USP34: variants seen among roughly 807,000 people sequenced by gnomAD.
The protein encoded by USP34 is ubiquitin specific peptidase 34, also known as ubiquitin carboxyl-terminal hydrolase 34.
USP34 carries 70 observed loss-of-function variants against 460.3 expected under a neutral mutation model. The ratio of observed to expected loss-of-function variants is 0.15; its 90% CI spans 0.13 to 0.19. The LOEUF is 0.19. Among genes scored for constraint, USP34 ranks in the 10% least tolerant of loss-of-function variants. USP34 has a pLI of 1.00. For synonymous variants in USP34, 1,647 were observed against 1,405.3 expected, an observed-to-expected ratio of 1.17 and a Z score of -3.85; for missense variants, 3,985 against 4,236.2, an observed-to-expected ratio of 0.94 and a Z score of 1.65.
At chr2:61,198,473 G>T (rs552081990) in intron 75 of USP34, among the ~76,000 whole-genome samples, 9 of 151,970 alleles carry the variant, frequency 5.9e-5, no homozygotes, top group African/African-American at 2.2e-4. Context: ...CTCCCAAATG[G>T]ACTCTTGACT....
chr2:61,295,975 T>TAAAAAC (rs1428040077), intron 30 of USP34, among the ~76,000 whole-genome samples: 28 of 152,186 alleles, frequency 1.8e-4, no homozygotes, highest in Admixed American at 1.8e-3. Context: ...AAACAATCTT[T>TAAAAAC]AAGCCAGGAG....
At chr2:61,393,404 CT>C (rs1323957594) in intron 5 of USP34, among the ~76,000 whole-genome samples, 1 of 147,164 alleles carries the variant, frequency 6.8e-6, no homozygotes, top group Non-Finnish European at 1.5e-5. Context: ...GCACTCCAGC[CT>C]GGGCAACAGA....
At chr2:61,449,018 G>T (rs760393641) in intron 1 of USP34, among the ~76,000 whole-genome samples, 1 of 152,120 alleles carries the variant, frequency 6.6e-6, no homozygotes, top group Non-Finnish European at 1.5e-5. Context: ...GCAAGGTGTG[G>T]TGGCGCATGC....
intron 34 of USP34, among the ~76,000 whole-genome samples, chr2:61,285,448 C>A (rs569181000): frequency 7.0e-6 from 1 of 143,334 alleles, no homozygotes; most frequent in East Asian, 2.0e-4. Context: ...GATTGTGCCA[C>A]TGCACTCCAG....
At chr2:61,347,737 T>C in intron 15 of USP34, 133 bp downstream of exon 15, 1 of 1,450,682 alleles carries the variant, frequency 6.9e-7, no homozygotes, top group Non-Finnish European at 9.1e-7. Context: ...TATCTATTTG[T>C]AGCTTACATT....
chr2:61,419,391 A>G (rs1484930286), intron 2 of USP34, among the ~76,000 whole-genome samples: 1 of 151,334 alleles, frequency 6.6e-6, no homozygotes, highest in Admixed American at 6.6e-5. Flanking sequence ...GGAGGCAAAC[A>G]CTTTGATATT....
intron 2 of USP34, among the ~76,000 whole-genome samples, chr2:61,412,226 G>A (rs1573015275): frequency 1.1e-4 from 15 of 134,832 alleles, no homozygotes; most frequent in Admixed American, 4.4e-4. Flanking sequence ...AGAAAAGAAA[G>A]AAACAGAAAG....
At chr2:61,330,128 CAG>C (rs1336325326) in intron 20 of USP34, among the ~76,000 whole-genome samples, 1 of 152,142 alleles carries the variant, frequency 6.6e-6, no homozygotes, top group Non-Finnish European at 1.5e-5. Flanking sequence ...AATTCTATAA[CAG>C]AAACAGACTG....
At chr2:61,247,081 C>T (rs1688435879) in intron 49 of USP34, among the ~76,000 whole-genome samples, 1 of 151,016 alleles carries the variant, frequency 6.6e-6, no homozygotes, top group Non-Finnish European at 1.5e-5. Context: ...TAGACAGAAA[C>T]AAAATAAAGA....
At chr2:61,336,507 A>G (rs1377405031) in intron 18 of USP34, among the ~76,000 whole-genome samples, 1 of 151,668 alleles carries the variant, frequency 6.6e-6, no homozygotes, top group Non-Finnish European at 1.5e-5. Context: ...ATAGGCACAA[A>G]GAGAAAAAAA....
At position 61,245,304 on chromosome 2, in the gene USP34, T is replaced by C. The variant is rs747949081; in HGVS notation, c.6549-16A>G. ...AAAAAGATACCTAAAATAGAGCATA[T>C]AGTATTAATCTAGTATGCATATAAT... On this transcript the variant is annotated splice_polypyrimidine_tract_variant and intron_variant, in intron 50 of 79. Coordinates refer to ENST00000398571, the MANE Select transcript of USP34 (RefSeq NM_014709.4). 8 of 1,545,464 alleles carry C rather than the reference T, an allele frequency of 5.2e-6. No individual in the cohort carries two copies. The highest frequency in any genetic ancestry group is 1.4e-5 in the African/African-American group (1 of 72,508).
At chr2:61,458,309 C>G (rs1165450810) in intron 1 of USP34, among the ~76,000 whole-genome samples, 2 of 151,966 alleles carry the variant, frequency 1.3e-5, no homozygotes, top group Admixed American at 6.6e-5. Flanking sequence ...ACCTGTAATC[C>G]CAGCACTTTG....
At chr2:61,386,424 A>G (rs1200672394) in intron 5 of USP34, among the ~76,000 whole-genome samples, 1 of 152,198 alleles carries the variant, frequency 6.6e-6, no homozygotes, top group African/African-American at 2.4e-5. Context: ...AGTTGAATAG[A>G]TCAAAATATG....
At chr2:61,327,898 A>C (rs1474795670) in intron 20 of USP34, among the ~76,000 whole-genome samples, 2 of 152,214 alleles carry the variant, frequency 1.3e-5, no homozygotes, top group East Asian at 3.8e-4. Flanking sequence ...AAAGATATGA[A>C]ACTTTAGTAA....
rs535308225 is a variant in USP34 at position 61,261,664 on chromosome 2, T to A, written c.5779-1888A>T. ...AAAATGATGAATTTAATGTTGCATA[T>A]ATTTTACCACAATTAGAATATATGT... On this transcript the variant is annotated intron_variant, in intron 43 of 79. Coordinates refer to ENST00000398571, the MANE Select transcript of USP34 (RefSeq NM_014709.4). Among the ~76,000 whole-genome samples the A allele has an allele frequency of 2.0e-5, 3 of 152,316 alleles. No homozygotes were observed. In the South Asian group the frequency reaches 6.2e-4, roughly 32 times the overall value.
At chr2:61,296,499 A>G (rs955600177) in intron 30 of USP34, among the ~76,000 whole-genome samples, 123 of 152,306 alleles carry the variant, frequency 8.1e-4, no homozygotes, top group African/African-American at 2.8e-3. Flanking sequence ...TTTTGTTACT[A>G]AGAACAAAAA....
In USP34 at chr2:61,414,426, T is replaced by C. The variant is rs555069973; in HGVS notation, c.131+6320A>G. ...GTATCCAATAAGATCTATCAATAAG[T>C]ATAAGGGTAGGATAGACATTTCAGG... On this transcript the variant is annotated intron_variant, in intron 2 of 79. Coordinates refer to ENST00000398571, the MANE Select transcript of USP34 (RefSeq NM_014709.4). Among the ~76,000 whole-genome samples the C allele has an allele frequency of 8.2e-4, 125 of 152,186 alleles. 1 individual carries two copies. The highest frequency in any genetic ancestry group is 6.2e-4 in the Non-Finnish European group (42 of 68,004).
At position 61,236,011 on chromosome 2, in the gene USP34, G is replaced by C. The variant is rs764067766; in HGVS notation, c.6966+15C>G. On this transcript the variant is annotated intron_variant, in intron 56 of 79. Transcript: ENST00000398571. ...AACATAAATGACAAAAAAATCCATAGTAGAAAACACATACCTTTTCTTTAG... is the reference window on the plus strand; with the variant it reads ...AACATAAATGACAAAAAAATCCATACTAGAAAACACATACCTTTTCTTTAG... 4 of 1,604,816 alleles carry C rather than the reference G, an allele frequency of 2.5e-6. No individual in the cohort carries two copies. The East Asian group carries it at 8.9e-5, about 36-fold the overall frequency.
intron 7 of USP34, among the ~76,000 whole-genome samples, chr2:61,379,077 A>C (rs1024270094): frequency 5.3e-5 from 8 of 152,140 alleles, no homozygotes; most frequent in African/African-American, 1.9e-4. Flanking sequence ...GTTTCAGGAA[A>C]GACTCCCCAG....
Sources: gnomAD v4.1 joint callset for allele counts (sites outside exome capture counted in the v4.1 genomes callset) on GRCh38, gnomAD v4.1.1 for gene constraint, MANE v1.5 for transcripts, NCBI Gene and HGNC (gene_info 2026-07-23, HGNC 2026-07-21) for gene names.